LRP1B: variants seen among roughly 807,000 people sequenced by gnomAD.
The protein encoded by LRP1B is LDL receptor related protein 1B.
In LRP1B, 217 loss-of-function variants were observed where a neutral mutation model predicts 556.6. The ratio of observed to expected loss-of-function variants is 0.39; its 90% CI spans 0.35 to 0.44. The LOEUF (loss-of-function observed/expected upper bound fraction) is 0.44, where lower values mean the gene tolerates loss of function less well. Ranked by LOEUF, LRP1B falls within the 20% of genes least tolerant of loss-of-function variation. The probability of loss-of-function intolerance (pLI) is 1.00; values close to 1 mark genes in which losing one functional copy is unlikely to be tolerated. For missense variants in LRP1B, 5,053 were observed against 5,620.8 expected, an observed-to-expected ratio of 0.90 and a Z score of 3.23; for synonymous variants, 2,047 against 1,865.8, an observed-to-expected ratio of 1.10 and a Z score of -2.50.
chr2:141,829,460 C>T (rs889363101), intron 1 of LRP1B, among the ~76,000 whole-genome samples: 1 of 152,020 alleles, frequency 6.6e-6, no homozygotes, highest in African/African-American at 2.4e-5. Context: ...TTGTGTCTAG[C>T]AGCATATTTT....
In LRP1B at chr2:141,474,202, T is replaced by C. The variant is rs114988614; in HGVS notation, c.343+6194A>G. 3.2e-3 allele frequency among the ~76,000 whole-genome samples: 410 copies of C among 129,750 alleles called. 6 individuals carry two copies. Among genetic ancestry groups the C allele is most frequent in the African/African-American group, 0.011 (387 of 34,096 alleles). The allele number at this position is 129,750 out of a possible 152,430, so 85.1% of individuals were successfully genotyped here. A position where few individuals can be genotyped will look rare whatever the true frequency, so the allele number is the denominator to read the frequency against. ...TTAACAAAATAACAGCACAGATAAATTTTTCCTTTCTGGAAAATAAAAAAA... is the reference window on the plus strand; with the variant it reads ...TTAACAAAATAACAGCACAGATAAACTTTTCCTTTCTGGAAAATAAAAAAA... On this transcript the variant is annotated intron_variant, in intron 3 of 90. Coordinates refer to ENST00000389484, the MANE Select transcript of LRP1B (RefSeq NM_018557.3).
intron 35 of LRP1B, among the ~76,000 whole-genome samples, chr2:140,733,493 A>G (rs947898275): frequency 2.6e-5 from 4 of 152,188 alleles, no homozygotes; most frequent in East Asian, 1.9e-4. Flanking sequence ...AGAAACAGTT[A>G]AACAAACTGG....
chr2:141,690,396 A>AATAAATAAATATATATATATAT (rs5834858), intron 2 of LRP1B, among the ~76,000 whole-genome samples: 1 of 26,936 alleles, frequency 3.7e-5, no homozygotes, highest in Non-Finnish European at 7.7e-5. Flanking sequence ...TACATCTATA[A>AATAAATAAATATATATATATAT]ATATATATAT....
chr2:141,180,193 C>T (rs548098357), intron 7 of LRP1B, among the ~76,000 whole-genome samples: 1 of 151,576 alleles, frequency 6.6e-6, no homozygotes, highest in Non-Finnish European at 1.5e-5. Context: ...CTTCTCATTG[C>T]AATATTTAAT....
At chr2:141,071,307 G>A (rs1188562472) in intron 7 of LRP1B, among the ~76,000 whole-genome samples, 14 of 149,498 alleles carry the variant, frequency 9.4e-5, no homozygotes, top group East Asian at 3.9e-4. Flanking sequence ...ATTCAACAAC[G>A]CTTCATGCTA....
At chr2:141,364,490 A>G (rs917292780) in intron 3 of LRP1B, among the ~76,000 whole-genome samples, 6 of 152,184 alleles carry the variant, frequency 3.9e-5, no homozygotes, top group Non-Finnish European at 8.8e-5. Context: ...TTATTTGTCA[A>G]TTAATATAAA....
intron 41 of LRP1B, among the ~76,000 whole-genome samples, chr2:140,607,803 T>G (rs1682925911): frequency 6.6e-6 from 1 of 152,034 alleles, no homozygotes; most frequent in Non-Finnish European, 1.5e-5. Flanking sequence ...ACCTGGCAAT[T>G]TCCCTTGAGA....
intron 35 of LRP1B, among the ~76,000 whole-genome samples, chr2:140,719,980 T>A (rs924386339): frequency 6.6e-6 from 1 of 151,940 alleles, no homozygotes; most frequent in African/African-American, 2.4e-5. Context: ...AAACACAAAG[T>A]AGGTAAAGAA....
intron 2 of LRP1B, among the ~76,000 whole-genome samples, chr2:141,610,621 C>T (rs1688077008): frequency 1.3e-5 from 2 of 152,140 alleles, no homozygotes; most frequent in Non-Finnish European, 2.9e-5. Context: ...CGCGTAACCT[C>T]GTGGTAACTC....
intron 3 of LRP1B, among the ~76,000 whole-genome samples, chr2:141,464,608 T>TATATATATA (rs1244707646): frequency 1.7e-4 from 8 of 48,348 alleles, no homozygotes; most frequent in African/African-American, 5.1e-4. Context: ...ATATATATAT[T>TATATATATA]TTTTTAGTAG....
At chr2:141,671,002 T>C (rs980580488) in intron 2 of LRP1B, among the ~76,000 whole-genome samples, 1 of 152,206 alleles carries the variant, frequency 6.6e-6, no homozygotes, top group Non-Finnish European at 1.5e-5. Flanking sequence ...CTGTGGTTAG[T>C]TCAGCCTTTG....
chr2:140,519,365 A>G (rs78158966), intron 49 of LRP1B, among the ~76,000 whole-genome samples: 3,205 of 152,316 alleles, frequency 0.021, 120 homozygotes, highest in African/African-American at 0.073. Flanking sequence ...TGGGGAAAGG[A>G]TTCTCTATTT....
intron 21 of LRP1B, among the ~76,000 whole-genome samples, chr2:140,910,593 C>A (rs1475985324): frequency 6.6e-6 from 1 of 151,570 alleles, no homozygotes; most frequent in Non-Finnish European, 1.5e-5. Context: ...TGACAAAAAG[C>A]ATATTTTTAA....
chr2:140,671,519 T>TTAAA lies in LRP1B; in HGVS notation c.6799+28730_6799+28731insTTTA, dbSNP rs1553510935. On this transcript the variant is annotated intron_variant, in intron 41 of 90. Coordinates refer to ENST00000389484, the MANE Select transcript of LRP1B (RefSeq NM_018557.3). The stretch of plus-strand genomic sequence containing the variant: ...CTGGGCAACAGAGCGAGACTCCATC[T>TTAAA]CAAACAAACAAACAAACAAAAAACA... Among the ~76,000 whole-genome samples, 41 of 152,192 alleles carry TTAAA rather than the reference T, an allele frequency of 2.7e-4. 1 individual carries two copies. The highest frequency in any genetic ancestry group is 1.3e-4 in the Non-Finnish European group (9 of 67,994).
At chr2:141,632,232 T>TA (rs780648637) in intron 2 of LRP1B, among the ~76,000 whole-genome samples, 25 of 152,084 alleles carry the variant, frequency 1.6e-4, no homozygotes, top group Non-Finnish European at 2.9e-5. Flanking sequence ...AAATGCGTAT[T>TA]AAAAAAACTC....
chr2:140,769,232 C>G lies in LRP1B; in HGVS notation c.5739G>C (p.Val1913=), dbSNP rs1689220046. Residue 1913 remains valine, a synonymous_variant, in exon 35 of 91, where the codon GTG becomes GTC. Transcript: ENST00000389484. ...LMPISGTSFA[V]GIDFHAENDT... The stretch of plus-strand genomic sequence containing the variant: ...ATTTACCTGCATGGAAATCTATTCC[C>G]ACGGCAAATGAAGTTCCTGATATAG... 1.2e-6 allele frequency: 2 copies of G among 1,611,586 alleles called. No homozygotes were observed. The highest frequency in any genetic ancestry group is 1.1e-5 in the South Asian group (1 of 90,988).
In LRP1B at chr2:141,491,831, T is replaced by A. The variant is rs561792608; in HGVS notation, c.206-11298A>T. 3.9e-5 allele frequency among the ~76,000 whole-genome samples: 6 copies of A among 152,126 alleles called. No individual in the cohort carries two copies. The South Asian group carries it at 1.0e-3, about 26-fold the overall frequency. On this transcript the variant is annotated intron_variant, in intron 2 of 90. Transcript: ENST00000389484. ...ATTGGCCACTCTTAAGAGGCATTTGTTTTTTTCTTTTTAAGATACCTGTAA... is the reference window on the plus strand; with the variant it reads ...ATTGGCCACTCTTAAGAGGCATTTGATTTTTTCTTTTTAAGATACCTGTAA...
rs143819331 is a variant in LRP1B, at chr2:141,291,855, C to CAAAAAAAA, written c.344-37222_344-37215dup. 1.4e-3 allele frequency among the ~76,000 whole-genome samples: 138 copies of CAAAAAAAA among 99,280 alleles called. 4 individuals are homozygous for CAAAAAAAA. The highest frequency in any genetic ancestry group is 1.8e-3 in the African/African-American group (40 of 22,190). 65.1% of individuals were successfully genotyped at this position (99,280 alleles called of 152,430 possible). A position where few individuals can be genotyped will look rare whatever the true frequency, so the allele number is the denominator to read the frequency against. On this transcript the variant is annotated intron_variant, in intron 3 of 90. Coordinates refer to ENST00000389484, the MANE Select transcript of LRP1B (RefSeq NM_018557.3). Reference sequence around the variant, plus strand: ...TGGGCGAAAGAGCGAGACTCTGTCTCAAAAAAAAAAAAAAAAAAAAAAAAA... The same window carrying CAAAAAAAA: ...TGGGCGAAAGAGCGAGACTCTGTCTCAAAAAAAAAAAAAAAAAAAAAAAAAAAAAAAAA...
At chr2:140,621,112 T>A (rs1207257768) in intron 41 of LRP1B, among the ~76,000 whole-genome samples, 1 of 152,000 alleles carries the variant, frequency 6.6e-6, no homozygotes, top group Non-Finnish European at 1.5e-5. Flanking sequence ...CCAGGTGTGG[T>A]GGCTCACATC....
Sources: allele counts gnomAD v4.1 joint callset (sites outside exome capture counted in the v4.1 genomes callset), GRCh38; gene constraint gnomAD v4.1.1; transcripts MANE v1.5; gene names NCBI Gene and HGNC (gene_info 2026-07-23, HGNC 2026-07-21).